UBR1: variants seen among roughly 807,000 people sequenced by gnomAD.
UBR1 encodes the protein ubiquitin protein ligase E3 component n-recognin 1.
UBR1 carries 102 observed loss-of-function variants against 242.1 expected under a neutral mutation model. The observed-to-expected ratio is 0.42, with a 90% confidence interval of 0.36 to 0.50. The LOEUF is 0.50. Among genes scored for constraint, UBR1 ranks in the 20% least tolerant of loss-of-function variants. UBR1 has a pLI of 0.01. For missense variants in UBR1, 1,772 were observed against 2,101.8 expected (o/e 0.84, Z 3.07); for synonymous variants, 675 against 684.8 (o/e 0.99, Z 0.22).
chr15:43,092,971 T>C (rs1678106745), intron 1 of UBR1, among the ~76,000 whole-genome samples: 1 of 152,344 alleles, frequency 6.6e-6, no homozygotes, highest in South Asian at 2.1e-4. Context: ...CTTTGGTTGG[T>C]TGTTTTTAAA....
intron 29 of UBR1, among the ~76,000 whole-genome samples, chr15:43,010,275 G>T (rs1197737292): frequency 1.3e-5 from 2 of 151,956 alleles, no homozygotes; most frequent in South Asian, 2.1e-4. Flanking sequence ...TTGTCACAAG[G>T]TTCTAGTGGG....
At chr15:42,984,254 T>C (rs944188970) in intron 36 of UBR1, among the ~76,000 whole-genome samples, 3 of 152,240 alleles carry the variant, frequency 2.0e-5, no homozygotes, top group Non-Finnish European at 4.4e-5. Flanking sequence ...TAAAAAGTGT[T>C]TTCCCCAGAG....
At chr15:42,968,392 T>G (rs2032146426) in intron 40 of UBR1, among the ~76,000 whole-genome samples, 1 of 152,020 alleles carries the variant, frequency 6.6e-6, no homozygotes, top group Non-Finnish European at 1.5e-5. Context: ...AGATTTTTTT[T>G]TTTTTTTTTA....
chr15:42,988,516 C>T (rs1000304972), intron 35 of UBR1: 6 of 372,174 alleles, frequency 1.6e-5, no homozygotes, highest in African/African-American at 1.0e-4. Flanking sequence ...CTCCTGCTCT[C>T]AAGTTATCCT....
chr15:43,090,496 T>C (rs1035816328), intron 1 of UBR1, among the ~76,000 whole-genome samples: 2 of 152,132 alleles, frequency 1.3e-5, no homozygotes, highest in African/African-American at 2.4e-5. Context: ...CCAACTTTTC[T>C]GGGGTACTCA....
chr15:43,049,849 C>T (rs2033532124), intron 12 of UBR1, among the ~76,000 whole-genome samples: 1 of 152,178 alleles, frequency 6.6e-6, no homozygotes, highest in Non-Finnish European at 1.5e-5. Flanking sequence ...AGCACTACTA[C>T]TCAAAGTGTG....
At position 42,983,705 on chromosome 15, in the gene UBR1, A is replaced by ATAT. The variant is rs1314036591; in HGVS notation, c.4150+191_4150+192insATA. 3.5e-4 allele frequency among the ~76,000 whole-genome samples: 52 copies of ATAT among 149,242 alleles called. 1 individual carries two copies. The highest frequency in any genetic ancestry group is 1.2e-3 in the African/African-American group (49 of 40,944). On this transcript the variant is annotated intron_variant, in intron 37 of 46. Transcript: ENST00000290650. Reference sequence around the variant, plus strand: ...TAATAATAATAATAATAATAATATCACAAGTTTTACAGAGGCAGCTATGTG... The same window carrying ATAT: ...TAATAATAATAATAATAATAATATCATATCAAGTTTTACAGAGGCAGCTATGTG...
chr15:43,004,531 G>A lies in UBR1; in HGVS notation c.3416-601C>T, dbSNP rs540642287. On this transcript the variant is annotated intron_variant, in intron 30 of 46. Coordinates refer to ENST00000290650, the MANE Select transcript of UBR1 (RefSeq NM_174916.3). Reference sequence around the variant, plus strand: ...GTGCCTGGGATTGCAGGCACACGCCGCCACGCCTGACTGGTTTTTGCATTT... The same window carrying A: ...GTGCCTGGGATTGCAGGCACACGCCACCACGCCTGACTGGTTTTTGCATTT... Among the ~76,000 whole-genome samples the A allele has an allele frequency of 2.0e-5, 3 of 152,320 alleles. No homozygotes were observed. The South Asian group carries it at 6.2e-4, about 32-fold the overall frequency.
At chr15:42,967,682 G>C (rs1389745845) in intron 40 of UBR1, among the ~76,000 whole-genome samples, 1 of 151,648 alleles carries the variant, frequency 6.6e-6, no homozygotes, top group Non-Finnish European at 1.5e-5. Flanking sequence ...CTAATGCAAG[G>C]TATTAATAAT....
intron 12 of UBR1, among the ~76,000 whole-genome samples, chr15:43,054,060 A>G (rs1157448303): frequency 6.6e-6 from 1 of 152,216 alleles, no homozygotes; most frequent in Non-Finnish European, 1.5e-5. Flanking sequence ...AGTTAAAAAA[A>G]TGTTAACAGC....
intron 44 of UBR1, among the ~76,000 whole-genome samples, chr15:42,953,269 T>C (rs74690861): frequency 1.1e-4 from 16 of 152,242 alleles, no homozygotes; most frequent in African/African-American, 3.9e-4. Flanking sequence ...TTTCCCATGC[T>C]CCTCCCATCT....
chr15:43,006,904 G>A (rs1022720559), intron 30 of UBR1, among the ~76,000 whole-genome samples, 175 bp downstream of exon 30: 8 of 152,176 alleles, frequency 5.3e-5, no homozygotes, highest in Admixed American at 2.6e-4. Context: ...AACTGTTGGA[G>A]AAAAATTGAT....
Position 42,983,908 on chromosome 15 carries a change from C to T in UBR1, c.4139G>A (p.Arg1380His), listed in dbSNP as rs536630830. Residue 1380 changes from arginine (R) to histidine (H), a missense_variant, in exon 37 of 47, where the codon CGT becomes CAT. Physicochemically the swap from Arg to His is conservative, Grantham distance 29 (BLOSUM62 0). Around this residue, in one of 3 missense-constraint regions of UBR1, gnomAD observed 965 missense variants for 1,079.7 expected, o/e 0.89. Coordinates refer to ENST00000290650, the MANE Select transcript of UBR1 (RefSeq NM_174916.3). Reference protein sequence around the residue: ...PQVLIQKHLVRLLSVVLPNIK... With the variant: ...PQVLIQKHLVHLLSVVLPNIK... Reference sequence around the variant, plus strand: ...AGAGAAGACTCTACCTGATAGAAGACGAACCAGATGTTTCTGTATCAGGAC... The same window carrying T: ...AGAGAAGACTCTACCTGATAGAAGATGAACCAGATGTTTCTGTATCAGGAC... The T allele has an allele frequency of 4.6e-5, 74 of 1,611,338 alleles. No homozygotes were observed. The highest frequency in any genetic ancestry group is 6.7e-5 in the East Asian group (3 of 44,794).
At chr15:43,054,564 A>G (rs1455348298) in intron 12 of UBR1, among the ~76,000 whole-genome samples, 178 bp downstream of exon 12, 1 of 152,186 alleles carries the variant, frequency 6.6e-6, no homozygotes, top group Non-Finnish European at 1.5e-5. Flanking sequence ...TTACAACTCA[A>G]TAAGAAGCCT....
rs1467769278 is a variant in UBR1, at chr15:43,024,943, G to A, written c.2625C>T (p.Phe875=). 2 of 1,614,088 alleles carry A rather than the reference G, an allele frequency of 1.2e-6. No homozygotes were observed. Among genetic ancestry groups the A allele is most frequent in the Non-Finnish European group, 1.7e-6 (2 of 1,180,042 alleles). Residue 875 remains phenylalanine, a synonymous_variant, in exon 25 of 47, where the codon TTC becomes TTT. Transcript: ENST00000290650. Reference sequence around the variant, plus strand: ...AGTTGAGAAGGTTAATCACTTTGCTGAAAGCAGGGCAGAATTCAGGAGGTG... The same window carrying A: ...AGTTGAGAAGGTTAATCACTTTGCTAAAAGCAGGGCAGAATTCAGGAGGTG... ...PPPPPEFCPA[F]SKVINLLNCD...
intron 1 of UBR1, among the ~76,000 whole-genome samples, chr15:43,105,411 C>G (rs370854131): frequency 1.3e-5 from 2 of 152,134 alleles, no homozygotes; most frequent in Non-Finnish European, 2.9e-5. Context: ...TAAAAAGTAG[C>G]GACAGATGAT....
chr15:43,065,899 A>T (rs554220060), intron 6 of UBR1, among the ~76,000 whole-genome samples: 3 of 152,252 alleles, frequency 2.0e-5, no homozygotes, highest in African/African-American at 7.2e-5. Flanking sequence ...AATTGCAAAA[A>T]TGTTCTCTTA....
In UBR1 at chr15:43,025,424, T is replaced by C. The variant is rs779976529; in HGVS notation, c.2541A>G (p.Glu847=). The C allele has an allele frequency of 6.2e-7, 1 of 1,605,564 alleles. No individual in the cohort carries two copies. Among genetic ancestry groups the C allele is most frequent in the Non-Finnish European group, 8.5e-7 (1 of 1,175,512 alleles). ...HYSKTQHSKA[E]HMQKKRRKQE... is the part of the protein sequence containing the mutation. ...GTTTTCTCCTTTTCTTCTGCATATG[T>C]TCAGCCTATAAAAAAATCTATCATT... The change falls in exon 24 of 47, where the codon GAA becomes GAG. Residue 847 remains glutamate, a synonymous_variant. Coordinates refer to ENST00000290650, the MANE Select transcript of UBR1 (RefSeq NM_174916.3).
intron 46 of UBR1, among the ~76,000 whole-genome samples, chr15:42,948,648 AGAC>A (rs964318610): frequency 1.3e-5 from 2 of 152,076 alleles, no homozygotes; most frequent in African/African-American, 4.8e-5. Context: ...TCTCAAAAGA[AGAC>A]ATTTATGCAG....
Sources: gnomAD v4.1 joint callset for allele counts (sites outside exome capture counted in the v4.1 genomes callset) on GRCh38, gnomAD v4.1.1 for gene constraint, gnomAD v4.1.1 regional missense constraint, MANE v1.5 for transcripts, NCBI Gene and HGNC (gene_info 2026-07-23, HGNC 2026-07-21) for gene names.